SLC4A3: variants seen among roughly 807,000 people sequenced by gnomAD.
SLC4A3 encodes anion exchange protein 3.
Under a neutral mutation model 114.2 loss-of-function variants are expected in SLC4A3, and 47 were observed. The ratio of observed to expected loss-of-function variants is 0.41; its 90% CI spans 0.33 to 0.52. SLC4A3 has a LOEUF of 0.52. Ranked by LOEUF, SLC4A3 falls within the 20% of genes least tolerant of loss-of-function variation. The pLI is 0.21. For missense variants in SLC4A3, 1,312 were observed against 1,668.3 expected (o/e 0.79, Z 3.72); for synonymous variants, 693 against 710.3 (o/e 0.98, Z 0.39).
chr2:219,631,762 G>A lies in SLC4A3; in HGVS notation c.812-206G>A, dbSNP rs923044497. Among the ~76,000 whole-genome samples, 5 of 152,036 alleles carry A rather than the reference G, an allele frequency of 3.3e-5. No homozygotes were observed. The highest frequency in any genetic ancestry group is 1.2e-4 in the African/African-American group (5 of 41,406). ...ATTGCATCTTGGCCGGTGGTCCCAG[G>A]TGACCATGGGGAGGTCCTTCCCTCT... On this transcript the variant is annotated intron_variant, in intron 6 of 22. Coordinates refer to ENST00000358055, the MANE Select transcript of SLC4A3 (RefSeq NM_005070.4). The surrounding 1 kb of genome is among the most constrained non-coding windows in gnomAD (Gnocchi z 6.3).
Position 219,634,380 on chromosome 2 carries a change from T to C in SLC4A3, c.1562-40T>C, listed in dbSNP as rs111803350. On this transcript the variant is annotated intron_variant, in intron 11 of 22. Coordinates refer to ENST00000358055, the MANE Select transcript of SLC4A3 (RefSeq NM_005070.4). ...CTGCCCCAGGGCCTGCCTTGACTGC[T>C]TCTCTTTGCCCAGCGCCCTGTGCTT... 278 of 1,605,262 alleles carry C rather than the reference T, an allele frequency of 1.7e-4. 2 individuals are homozygous for C. In the African/African-American group the frequency reaches 3.5e-3, roughly 20 times the overall value.
rs1049342618 is a variant in SLC4A3 at position 219,631,850 on chromosome 2, A to G, written c.812-118A>G. On this transcript the variant is annotated intron_variant, in intron 6 of 22. Coordinates refer to ENST00000358055, the MANE Select transcript of SLC4A3 (RefSeq NM_005070.4). This position sits in a 1 kb window ranked among gnomAD's most constrained non-coding sequence, Gnocchi z 6.3. Reference sequence around the variant, plus strand: ...ATGGGATTATGTGGTTCCCGTCGGCATGGCCTGTTGGTGACTGTAGAGCTC... The same window carrying G: ...ATGGGATTATGTGGTTCCCGTCGGCGTGGCCTGTTGGTGACTGTAGAGCTC... 5.3e-6 allele frequency: 6 copies of G among 1,129,130 alleles called. No homozygotes were observed. In the African/African-American group the frequency reaches 7.8e-5, roughly 15 times the overall value. The allele number at this position is 1,129,130 out of a possible 1,614,324, so 69.9% of individuals were successfully genotyped here. A position where few individuals can be genotyped will look rare whatever the true frequency, so the allele number is the denominator to read the frequency against.
In SLC4A3 at chr2:219,639,135, C is replaced by T. The variant is rs1699230571; in HGVS notation, c.3023+266C>T. Among the ~76,000 whole-genome samples the T allele has an allele frequency of 6.6e-6, 1 of 152,130 alleles. No homozygotes were observed. The highest frequency in any genetic ancestry group is 6.5e-5 in the Admixed American group (1 of 15,270). ...TGACATGACATCTATCTGTTGCCACCACTCTTTGCAGGGTGGCACTTGACA... is the reference window on the plus strand; with the variant it reads ...TGACATGACATCTATCTGTTGCCACTACTCTTTGCAGGGTGGCACTTGACA... On this transcript the variant is annotated intron_variant, in intron 19 of 22. Coordinates refer to ENST00000358055, the MANE Select transcript of SLC4A3 (RefSeq NM_005070.4). The surrounding 1 kb of genome is among the most constrained non-coding windows in gnomAD (Gnocchi z 5.9).
rs1698795948 is a variant in SLC4A3 at position 219,628,417 on chromosome 2, T to C, written c.64T>C (p.Leu22=). ...ASPLPQVRVP[L]EEPPLSPDVE... The stretch of plus-strand genomic sequence containing the variant: ...TCTGGGCCTGCAGGTCCGGGTGCCC[T>C]TGGAGGAGCCCCCTCTAAGTCCAGA... Residue 22 remains leucine, a synonymous_variant, in exon 3 of 23, where the codon TTG becomes CTG. Transcript: ENST00000358055. This position sits in a 1 kb window ranked among gnomAD's most constrained non-coding sequence, Gnocchi z 4.8. 6.2e-7 allele frequency: 1 copy of C among 1,612,000 alleles called. No homozygotes were observed. The highest frequency in any genetic ancestry group is 8.5e-7 in the Non-Finnish European group (1 of 1,179,308).
In SLC4A3 at chr2:219,631,334, C is replaced by T; in HGVS notation, c.812-634C>T. On this transcript the variant is annotated intron_variant, in intron 6 of 22. Coordinates refer to ENST00000358055, the MANE Select transcript of SLC4A3 (RefSeq NM_005070.4). The surrounding 1 kb of genome is among the most constrained non-coding windows in gnomAD (Gnocchi z 6.3). ...GCTGGGGCTTTGGGAGGGATCCAGC[C>T]CCCAGTCCTCGAGACTCACTGGCCC... 1 of 1,304,198 alleles carries T rather than the reference C, an allele frequency of 7.7e-7. No homozygotes were observed. The highest frequency in any genetic ancestry group is 1.2e-5 in the South Asian group (1 of 81,024). The allele number at this position is 1,304,198 out of a possible 1,614,324, so 80.8% of individuals were successfully genotyped here.
In SLC4A3 at chr2:219,638,692, C is replaced by G. The variant is rs1699214024; in HGVS notation, c.2857-11C>G. On this transcript the variant is annotated splice_polypyrimidine_tract_variant and intron_variant, in intron 18 of 22. Transcript: ENST00000358055. The surrounding 1 kb of genome is among the most constrained non-coding windows in gnomAD (Gnocchi z 7.5). ...GGCTGTGTCCCTGAACCCTGTTTTC[C>G]TGCCATGCAGAAGCTGACAGTGCCT... 1 of 1,613,034 alleles carries G rather than the reference C, an allele frequency of 6.2e-7. No individual in the cohort carries two copies. The highest frequency in any genetic ancestry group is 8.5e-7 in the Non-Finnish European group (1 of 1,179,580).
intron 9 of SLC4A3, 23 bp downstream of exon 9, chr2:219,633,032 G>A: frequency 4.3e-6 from 7 of 1,613,222 alleles, no homozygotes; most frequent in Non-Finnish European, 5.9e-6. Context: ...GTCCCTGGGA[G>A]GGGCCTGTCC....
chr2:219,630,659 C>T lies in SLC4A3; in HGVS notation c.811+307C>T, dbSNP rs536287200. 5.8e-4 allele frequency among the ~76,000 whole-genome samples: 88 copies of T among 152,298 alleles called. No homozygotes were observed. The highest frequency in any genetic ancestry group is 1.5e-3 in the African/African-American group (63 of 41,554). ...TATCCCTCCCCAAGGCCCCTCTTCT[C>T]GGGGTGAACTCTCTGTCTCCTCTTT... On this transcript the variant is annotated intron_variant, in intron 6 of 22. Transcript: ENST00000358055. This position sits in a 1 kb window ranked among gnomAD's most constrained non-coding sequence, Gnocchi z 6.9.
intron 20 of SLC4A3, among the ~76,000 whole-genome samples, 189 bp from the exon 21 acceptor site, chr2:219,640,241 C>T (rs1311861099): frequency 7.8e-6 from 1 of 127,448 alleles, no homozygotes; most frequent in Non-Finnish European, 1.6e-5. Flanking sequence ...CCCCCCGCCC[C>T]TCCTTCTCTT....
intron 7 of SLC4A3, 41 bp from the exon 8 acceptor site, chr2:219,632,221 C>T (rs577020223): frequency 1.9e-6 from 3 of 1,612,916 alleles, no homozygotes; most frequent in Non-Finnish European, 2.5e-6. Flanking sequence ...GTTCCCCACA[C>T]CTGTTGGCCC....
rs1416621295 is a variant in SLC4A3 at position 219,627,725 on chromosome 2, C to G, written c.-114C>G. ...GGGGCGCGGCGGCCCGCCTGGGCCT[C>G]GCAGGCTCCGGAGCCCCGAGGTACC... On this transcript the variant is annotated 5_prime_UTR_variant, in exon 1 of 23. Coordinates refer to ENST00000358055, the MANE Select transcript of SLC4A3 (RefSeq NM_005070.4). 3.7e-6 allele frequency: 1 copy of G among 266,734 alleles called. No homozygotes were observed. Among genetic ancestry groups the G allele is most frequent in the Non-Finnish European group, 7.0e-6 (1 of 142,436 alleles). 16.5% of individuals were successfully genotyped at this position (266,734 alleles called of 1,614,324 possible). A position where few individuals can be genotyped will look rare whatever the true frequency, so the allele number is the denominator to read the frequency against.
In SLC4A3 at chr2:219,634,620, G is replaced by A. The variant is rs1574651910; in HGVS notation, c.1746+16G>A. On this transcript the variant is annotated intron_variant, in intron 12 of 22. Coordinates refer to ENST00000358055, the MANE Select transcript of SLC4A3 (RefSeq NM_005070.4). The stretch of plus-strand genomic sequence containing the variant: ...GTCTGACAAGGTTGGGCGCGTGCTG[G>A]CTCTCAAGGCCTCTTCTCCTAGGCC... 2 of 1,611,932 alleles carry A rather than the reference G, an allele frequency of 1.2e-6. No homozygotes were observed. The highest frequency in any genetic ancestry group is 3.3e-5 in the Admixed American group (2 of 59,884).
chr2:219,632,177 C>T (rs1698947643), intron 7 of SLC4A3, 61 bp downstream of exon 7: 1 of 1,606,852 alleles, frequency 6.2e-7, no homozygotes. Flanking sequence ...CGGAGCCCTC[C>T]TCTCTTTGCC....
At chr2:219,635,924 T>C in intron 14 of SLC4A3, 33 bp downstream of exon 14, 2 of 1,436,926 alleles carry the variant, frequency 1.4e-6, no homozygotes, top group African/African-American at 1.4e-5. Flanking sequence ...GTTGAGGGGC[T>C]CCTCTAGTCA....
chr2:219,634,408 C>T lies in SLC4A3; in HGVS notation c.1562-12C>T, dbSNP rs746231997. On this transcript the variant is annotated splice_polypyrimidine_tract_variant and intron_variant, in intron 11 of 22. Transcript: ENST00000358055. ...TCTTTGCCCAGCGCCCTGTGCTTTC[C>T]TCTTCCCCTAGGTTGTGTGCCTTTC... 2 of 1,613,544 alleles carry T rather than the reference C, an allele frequency of 1.2e-6. No homozygotes were observed. The highest frequency in any genetic ancestry group is 1.7e-5 in the Admixed American group (1 of 59,988).
chr2:219,629,510 G>A lies in SLC4A3; in HGVS notation c.496-70G>A, dbSNP rs978708706. On this transcript the variant is annotated intron_variant, in intron 4 of 22. Coordinates refer to ENST00000358055, the MANE Select transcript of SLC4A3 (RefSeq NM_005070.4). ...AGGAGTGCGTGTTGGGGGCCTGTGT[G>A]AGGCTGGGTAGGGTTGGGGGCTGTA... The A allele has an allele frequency of 1.8e-5, 29 of 1,589,694 alleles. No individual in the cohort carries two copies. The South Asian group carries it at 2.7e-4, about 15-fold the overall frequency.
rs539638353 is a variant in SLC4A3, at chr2:219,640,025, G to T, written c.3277+290G>T. ...GCTCACTGCAAGCTCCGCCTCCCAG[G>T]TTCACCCATTCTCCTGCCTCCGCCT... On this transcript the variant is annotated intron_variant, in intron 20 of 22. Coordinates refer to ENST00000358055, the MANE Select transcript of SLC4A3 (RefSeq NM_005070.4). Among the ~76,000 whole-genome samples the T allele has an allele frequency of 9.9e-5, 15 of 152,176 alleles. No individual in the cohort carries two copies. In the South Asian group the frequency reaches 3.1e-3, roughly 32 times the overall value.
In SLC4A3 at chr2:219,635,660, C is replaced by T; in HGVS notation, c.1973-13C>T. ...GGAGTGGTCTGTGCCCCAGCAGCCC[C>T]TTGTTCCCCCAGAACTGTCTTTGGA... On this transcript the variant is annotated splice_polypyrimidine_tract_variant and intron_variant, in intron 13 of 22. Coordinates refer to ENST00000358055, the MANE Select transcript of SLC4A3 (RefSeq NM_005070.4). 6.4e-7 allele frequency: 1 copy of T among 1,567,912 alleles called. No individual in the cohort carries two copies. The highest frequency in any genetic ancestry group is 8.6e-7 in the Non-Finnish European group (1 of 1,156,596).
intron 10 of SLC4A3, among the ~76,000 whole-genome samples, 189 bp downstream of exon 10, chr2:219,633,646 A>G (rs1699019206): frequency 6.6e-6 from 1 of 152,228 alleles, no homozygotes; most frequent in Non-Finnish European, 1.5e-5. Context: ...GAATGTGATG[A>G]TGTGGCAGAC....
Sources: gnomAD v4.1 joint callset for allele counts (sites outside exome capture counted in the v4.1 genomes callset) on GRCh38, gnomAD v4.1.1 for gene constraint, Gnocchi (gnomAD v3.1) non-coding constraint, MANE v1.5 for transcripts, NCBI Gene and HGNC (gene_info 2026-07-23, HGNC 2026-07-21) for gene names.